Variants in GRID1 observed in about 807,000 individuals in gnomAD.
GRID1 encodes the protein glutamate receptor ionotropic, delta-1.
Under a neutral mutation model 98.0 loss-of-function variants are expected in GRID1, and 28 were observed. The observed-to-expected ratio is 0.29, with a 90% CI of 0.21 to 0.39. The LOEUF is 0.39. Among genes scored for constraint, GRID1 ranks in the 10% least tolerant of loss-of-function variants. The pLI, the probability that GRID1 is intolerant of heterozygous loss-of-function variation, is 1.00. For missense variants in GRID1, 1,111 were observed against 1,340.5 expected (o/e 0.83, Z 2.67); for synonymous variants, 553 against 538.5 (o/e 1.03, Z -0.37).
At chr10:85,740,819 T>C (rs1841935647) in intron 8 of GRID1, among the ~76,000 whole-genome samples, 1 of 152,194 alleles carries the variant, frequency 6.6e-6, no homozygotes, top group East Asian at 1.9e-4. Flanking sequence ...TGGCACGATC[T>C]TAGCTCACTG....
At chr10:85,920,538 C>T (rs1841687926) in intron 4 of GRID1, among the ~76,000 whole-genome samples, 1 of 152,214 alleles carries the variant, frequency 6.6e-6, no homozygotes, top group Non-Finnish European at 1.5e-5. Flanking sequence ...AGCCTCATCT[C>T]TGCCATCATG....
rs544622012 is a variant in GRID1 at position 85,723,132 on chromosome 10, G to T, written c.1868C>A (p.Ser623Tyr). ...GCGCATGGCCATGGAGTTCACGGAAGATTCGCCACCTGCGGGAGGCAGACA... is the reference window on the plus strand; with the variant it reads ...GCGCATGGCCATGGAGTTCACGGAATATTCGCCACCTGCGGGAGGCAGACA... ...YGAFVQQGGE[S>Y]SVNSMAMRIV... is the part of the protein sequence containing the mutation. The change falls in exon 12 of 16, where the codon TCT (serine) becomes TAT (tyrosine). Residue 623 changes from serine (S) to tyrosine (Y), a missense_variant. Physicochemically the swap from Ser to Tyr is moderately radical, Grantham distance 144. This residue lies in a region of GRID1 where 762 missense variants were observed against 869.1 expected (regional missense o/e 0.88). Coordinates refer to ENST00000327946, the MANE Select transcript of GRID1 (RefSeq NM_017551.3). 9 of 1,607,128 alleles carry T rather than the reference G, an allele frequency of 5.6e-6. No homozygotes were observed. Among genetic ancestry groups the T allele is most frequent in the South Asian group, 4.5e-5 (4 of 89,222 alleles).
chr10:86,009,432 A>G (rs74148914), intron 4 of GRID1, among the ~76,000 whole-genome samples: 2,016 of 152,296 alleles, frequency 0.013, 51 homozygotes, highest in African/African-American at 0.046. Flanking sequence ...CCCTGATGAT[A>G]AAAGTTAACA....
At chr10:86,337,653 T>C (rs1374768812) in intron 2 of GRID1, among the ~76,000 whole-genome samples, 2 of 152,022 alleles carry the variant, frequency 1.3e-5, no homozygotes, top group African/African-American at 4.8e-5. Flanking sequence ...CGCAGTTTAT[T>C]TGCTCACCTT....
intron 8 of GRID1, among the ~76,000 whole-genome samples, chr10:85,835,287 A>G (rs959897229): frequency 7.9e-5 from 12 of 152,312 alleles, no homozygotes; most frequent in South Asian, 2.1e-4. Context: ...TAACAAGGAT[A>G]TTGAAACTCT....
intron 8 of GRID1, among the ~76,000 whole-genome samples, chr10:85,750,642 C>T (rs1842037928): frequency 6.6e-6 from 1 of 152,050 alleles, no homozygotes; most frequent in African/African-American, 2.4e-5. Flanking sequence ...AATGACAATA[C>T]AGGGTAAACT....
chr10:85,863,087 C>A (rs762501542), intron 6 of GRID1, among the ~76,000 whole-genome samples: 1 of 152,186 alleles, frequency 6.6e-6, no homozygotes, highest in Non-Finnish European at 1.5e-5. Flanking sequence ...CCTGAGGAGA[C>A]GCGAAGGCTG....
chr10:85,902,442 A>C (rs969477168), intron 5 of GRID1, among the ~76,000 whole-genome samples: 1 of 152,248 alleles, frequency 6.6e-6, no homozygotes, highest in Non-Finnish European at 1.5e-5. Context: ...GGGTGACTGA[A>C]ACCATAAAAA....
At chr10:86,008,127 A>T (rs1464244179) in intron 4 of GRID1, among the ~76,000 whole-genome samples, 1 of 152,174 alleles carries the variant, frequency 6.6e-6, no homozygotes, top group African/African-American at 2.4e-5. Context: ...ATTACCCCTG[A>T]TCCTGCTATG....
At chr10:85,729,430 A>G (rs1841798140) in intron 9 of GRID1, 83 bp downstream of exon 9, 1 of 757,072 alleles carries the variant, frequency 1.3e-6, no homozygotes, top group Non-Finnish European at 2.3e-6. Flanking sequence ...CTTCTCCCCA[A>G]ACCCAGCATT....
At chr10:85,769,664 G>A (rs142117943) in intron 8 of GRID1, among the ~76,000 whole-genome samples, 204 of 152,358 alleles carry the variant, frequency 1.3e-3, no homozygotes, top group African/African-American at 4.7e-3. Context: ...GGCACACCAG[G>A]AGATTATATC....
intron 5 of GRID1, among the ~76,000 whole-genome samples, chr10:85,881,469 A>G (rs1282163022): frequency 2.6e-5 from 4 of 152,332 alleles, no homozygotes; most frequent in East Asian, 1.9e-4. Flanking sequence ...AAATAATGCC[A>G]CATATCTACA....
chr10:85,943,819 C>T (rs1042434381), intron 4 of GRID1, among the ~76,000 whole-genome samples: 2 of 152,196 alleles, frequency 1.3e-5, no homozygotes, highest in South Asian at 2.1e-4. Flanking sequence ...TGTGATAGAT[C>T]GCAAACAATG....
chr10:86,295,804 A>G (rs1847580531), intron 2 of GRID1, among the ~76,000 whole-genome samples: 1 of 152,204 alleles, frequency 6.6e-6, no homozygotes, highest in South Asian at 2.1e-4. Flanking sequence ...GTGAGAGACA[A>G]AAGGACCAGG....
intron 4 of GRID1, among the ~76,000 whole-genome samples, chr10:86,044,491 C>T (rs968226918): frequency 1.1e-4 from 17 of 152,198 alleles, no homozygotes; most frequent in African/African-American, 4.1e-4. Context: ...AAGAATTAGG[C>T]ATTCATAAAA....
At chr10:86,003,602 A>C (rs888910284) in intron 4 of GRID1, among the ~76,000 whole-genome samples, 4 of 152,252 alleles carry the variant, frequency 2.6e-5, no homozygotes, top group Admixed American at 6.5e-5. Flanking sequence ...TACTTCCCAT[A>C]TTCACCCAGC....
intron 4 of GRID1, among the ~76,000 whole-genome samples, chr10:86,079,788 G>A (rs1843938582): frequency 6.6e-6 from 1 of 152,044 alleles, no homozygotes; most frequent in Admixed American, 6.6e-5. Flanking sequence ...ACTTAAACAG[G>A]GTCACTTCCC....
rs1479266730 is a variant in GRID1 at position 86,336,423 on chromosome 10, G to C, written c.235+27518C>G. ...AGTGGGGGCCTCTAAGGATGTCAGT[G>C]CTCCTTGCAGCAGTGGCACCCTGAG... On this transcript the variant is annotated intron_variant, in intron 2 of 15. Transcript: ENST00000327946. 2.4e-4 allele frequency among the ~76,000 whole-genome samples: 37 copies of C among 152,188 alleles called. 1 individual carries two copies. Among genetic ancestry groups the C allele is most frequent in the Admixed American group, 2.4e-3 (36 of 15,284 alleles).
Position 86,037,336 on chromosome 10 carries a change from G to A in GRID1, c.726+101483C>T, listed in dbSNP as rs1843279661. ...CAGGGAGCCTGATGATCAAGAACAT[G>A]CAAGCTTGGAATCCTCACTGCCATC... On this transcript the variant is annotated intron_variant, in intron 4 of 15. Coordinates refer to ENST00000327946, the MANE Select transcript of GRID1 (RefSeq NM_017551.3). Among the ~76,000 whole-genome samples the A allele has an allele frequency of 3.3e-5, 5 of 152,314 alleles. No homozygotes were observed. In the South Asian group the frequency reaches 1.0e-3, roughly 32 times the overall value.
Sources: allele counts gnomAD v4.1 joint callset (sites outside exome capture counted in the v4.1 genomes callset), GRCh38; gene constraint gnomAD v4.1.1; regional missense constraint gnomAD v4.1.1; transcripts MANE v1.5; gene names NCBI Gene and HGNC (gene_info 2026-07-23, HGNC 2026-07-21).